INSC: variants seen among roughly 807,000 people sequenced by gnomAD.
INSC encodes the protein INSC spindle orientation adaptor protein.
INSC carries 67 observed loss-of-function variants against 58.6 expected under a neutral mutation model. That is an observed-to-expected ratio of 1.14 (90% CI 0.94 to 1.40). The LOEUF (loss-of-function observed/expected upper bound fraction) is 1.40, where lower values mean the gene tolerates loss of function less well. Among genes scored for constraint, INSC ranks in the 40% most tolerant of loss-of-function variants. The pLI is 0.00. For synonymous variants in INSC, 262 were observed against 276.1 expected (o/e 0.95, Z 0.51); for missense variants, 714 against 692.0 (o/e 1.03, Z -0.36).
intron 8 of INSC, among the ~76,000 whole-genome samples, chr11:15,225,159 G>T (rs1016567811): frequency 6.6e-6 from 1 of 152,132 alleles, no homozygotes; most frequent in African/African-American, 2.4e-5. Flanking sequence ...CTTCCCTTAA[G>T]GTCTCAGCTG....
At chr11:15,155,818 T>C (rs768823781) in intron 2 of INSC, among the ~76,000 whole-genome samples, 2 of 152,196 alleles carry the variant, frequency 1.3e-5, no homozygotes, top group Non-Finnish European at 2.9e-5. Context: ...CACAAACTAT[T>C]CACCCTAGAG....
At position 15,175,773 on chromosome 11, in the gene INSC, G is replaced by A. The variant is rs1268965855; in HGVS notation, c.89G>A (p.Arg30His). The change falls in exon 3 of 13, where the codon CGC becomes CAC. Residue 30 changes from arginine to histidine, a missense_variant. Transcript: ENST00000379556. Reference sequence around the variant, plus strand: ...CTGATGCAGGTGGACTCAGTCCAGCGCTGGATGGAAGATCTGAAGCTCATG... The same window carrying A: ...CTGATGCAGGTGGACTCAGTCCAGCACTGGATGGAAGATCTGAAGCTCATG... ...LHLMQVDSVQ[R>H]WMEDLKLMTE... 9 of 1,591,834 alleles carry A rather than the reference G, an allele frequency of 5.7e-6. No homozygotes were observed. Among genetic ancestry groups the A allele is most frequent in the Middle Eastern group, 1.7e-4 (1 of 5,996 alleles).
At chr11:15,229,948 TTATATATATA>T (rs1276929752) in intron 9 of INSC, among the ~76,000 whole-genome samples, 2,146 of 24,968 alleles carry the variant, frequency 0.086, 281 homozygotes, top group African/African-American at 0.26. Flanking sequence ...ATATATAATA[TTATATATATA>T]TTTATATATA....
the INSC span, among the ~76,000 whole-genome samples, chr11:15,268,216 A>G: frequency 7.9e-5 from 12 of 152,156 alleles, no homozygotes; most frequent in Admixed American, 3.3e-4. Flanking sequence ...CAAGATTTCA[A>G]TTGCTTCAGG....
rs116795202 is a variant in INSC at position 15,177,417 on chromosome 11, G to A, written c.455+254G>A. Among the ~76,000 whole-genome samples, 1,435 of 152,224 alleles carry A rather than the reference G, an allele frequency of 9.4e-3. 24 individuals are homozygous for A. The highest frequency in any genetic ancestry group is 0.024 in the African/African-American group (982 of 41,514). On this transcript the variant is annotated intron_variant, in intron 4 of 12. Coordinates refer to ENST00000379556, the MANE Select transcript of INSC (RefSeq NM_001042536.3). Reference sequence around the variant, plus strand: ...GAAGAAAGAGGATTTTCTAGGAGTTGGTAACAAGGAAAAGGTTTCCCACAG... The same window carrying A: ...GAAGAAAGAGGATTTTCTAGGAGTTAGTAACAAGGAAAAGGTTTCCCACAG...
chr11:15,244,682 A>C (rs1287228418), intron 12 of INSC, among the ~76,000 whole-genome samples: 1 of 152,068 alleles, frequency 6.6e-6, no homozygotes, highest in Admixed American at 6.5e-5. Context: ...AGATCATGAC[A>C]CTTAGCTTGC....
intron 1 of INSC, among the ~76,000 whole-genome samples, chr11:15,118,889 GT>G (rs1847800500): frequency 6.6e-6 from 1 of 152,102 alleles, no homozygotes; most frequent in South Asian, 2.1e-4. Context: ...TCCATCTTTT[GT>G]TTCATGAAAC....
chr11:15,204,884 T>C (rs1160829590), intron 7 of INSC, among the ~76,000 whole-genome samples: 1 of 152,188 alleles, frequency 6.6e-6, no homozygotes, highest in Non-Finnish European at 1.5e-5. Flanking sequence ...CCTTCAACCG[T>C]GAAGAGGTTC....
chr11:15,138,939 A>G (rs1848308198), intron 1 of INSC, among the ~76,000 whole-genome samples: 1 of 152,214 alleles, frequency 6.6e-6, no homozygotes, highest in Non-Finnish European at 1.5e-5. Context: ...AATGTTATTG[A>G]GCAAACTCCA....
In INSC at chr11:15,246,103, A is replaced by G; in HGVS notation, c.*63A>G. On this transcript the variant is annotated 3_prime_UTR_variant, in exon 13 of 13. Coordinates refer to ENST00000379556, the MANE Select transcript of INSC (RefSeq NM_001042536.3). ...ACCCCCTCTGACTATGCACCAGTGAACACATCTGAGTACATACCAGCTCTC... is the reference window on the plus strand; with the variant it reads ...ACCCCCTCTGACTATGCACCAGTGAGCACATCTGAGTACATACCAGCTCTC... The G allele has an allele frequency of 6.3e-7, 1 of 1,588,086 alleles. No individual in the cohort carries two copies. Among genetic ancestry groups the G allele is most frequent in the Non-Finnish European group, 8.6e-7 (1 of 1,158,154 alleles).
chr11:15,263,481 G>GA, the INSC span, among the ~76,000 whole-genome samples: 5 of 151,970 alleles, frequency 3.3e-5, no homozygotes, highest in African/African-American at 1.2e-4. Context: ...GTAGACAGAG[G>GA]AAAAAAACCA....
At chr11:15,210,311 T>C (rs1684620703) in intron 7 of INSC, among the ~76,000 whole-genome samples, 1 of 145,018 alleles carries the variant, frequency 6.9e-6, no homozygotes, top group South Asian at 2.2e-4. Flanking sequence ...TGAAGTAATT[T>C]TGTGAGATGT....
At chr11:15,130,716 T>G (rs1848105172) in intron 1 of INSC, among the ~76,000 whole-genome samples, 1 of 152,192 alleles carries the variant, frequency 6.6e-6, no homozygotes, top group Admixed American at 6.5e-5. Context: ...CGGGAAGATT[T>G]TCAACTATTG....
intron 6 of INSC, among the ~76,000 whole-genome samples, chr11:15,196,582 G>A (rs969122234): frequency 1.3e-5 from 2 of 152,150 alleles, no homozygotes; most frequent in African/African-American, 4.8e-5. Context: ...TGAGGCTGGT[G>A]GAGGTCAAAA....
chr11:15,180,588 A>C (rs927769864), intron 5 of INSC, among the ~76,000 whole-genome samples: 2 of 148,108 alleles, frequency 1.4e-5, no homozygotes, highest in Non-Finnish European at 3.0e-5. Context: ...AGGTCTGACC[A>C]CCTGGTTCAT....
At chr11:15,119,894 G>A (rs1222364650) in intron 1 of INSC, among the ~76,000 whole-genome samples, 1 of 152,202 alleles carries the variant, frequency 6.6e-6, no homozygotes, top group Non-Finnish European at 1.5e-5. Flanking sequence ...GCTTGAACTG[G>A]AAAGTTTATT....
At chr11:15,215,634 A>G (rs1851187031) in intron 7 of INSC, among the ~76,000 whole-genome samples, 1 of 152,240 alleles carries the variant, frequency 6.6e-6, no homozygotes, top group Admixed American at 6.5e-5. Flanking sequence ...CTTCATCAGT[A>G]AACTGCTGTG....
chr11:15,171,340 A>G (rs1301344121), intron 2 of INSC, among the ~76,000 whole-genome samples: 1 of 150,886 alleles, frequency 6.6e-6, no homozygotes, highest in Admixed American at 6.6e-5. Flanking sequence ...TGCCCTGCCC[A>G]CCCTCCAGTA....
intron 8 of INSC, among the ~76,000 whole-genome samples, chr11:15,224,944 G>T (rs924092643): frequency 6.6e-6 from 1 of 152,182 alleles, no homozygotes; most frequent in Non-Finnish European, 1.5e-5. Flanking sequence ...AAGCACTGAG[G>T]CTCTGTTGAT....
Sources: allele counts gnomAD v4.1 joint callset (sites outside exome capture counted in the v4.1 genomes callset), GRCh38; gene constraint gnomAD v4.1.1; transcripts MANE v1.5; gene names NCBI Gene and HGNC (gene_info 2026-07-23, HGNC 2026-07-21).